The following AK4 variants were observed in gnomAD, a reference collection of about 807,000 sequenced individuals.
The protein encoded by AK4 is adenylate kinase 4, also known as adenylate kinase 4, mitochondrial.
A neutral mutation model predicts 24.6 loss-of-function variants in AK4; 13 were observed. That is an observed-to-expected ratio of 0.53 (90% CI 0.34 to 0.84). The LOEUF (loss-of-function observed/expected upper bound fraction) is 0.84. Ranked by LOEUF, AK4 falls within the 40% of genes least tolerant of loss-of-function variation. The pLI is 0.01. For missense variants in AK4, 192 were observed against 288.2 expected (o/e 0.67, Z 2.42); for synonymous variants, 88 against 107.0 (o/e 0.82, Z 1.10).
In AK4 at chr1:65,231,090, T is replaced by C. The variant is rs1324083521; in HGVS notation, c.*4913T>C. Reference sequence around the variant, plus strand: ...GACTTCTTTTAATGTGGAAATGTGGTCTGGTAGTAAGTTATTTCTTTCCAC... The same window carrying C: ...GACTTCTTTTAATGTGGAAATGTGGCCTGGTAGTAAGTTATTTCTTTCCAC... On this transcript the variant is annotated 3_prime_UTR_variant, in exon 5 of 5. Transcript: ENST00000327299. 1 of 152,166 alleles carries C rather than the reference T, an allele frequency of 6.6e-6. No individual in the cohort carries two copies. Among genetic ancestry groups the C allele is most frequent in the African/African-American group, 2.4e-5 (1 of 41,430 alleles). 9.4% of individuals were successfully genotyped at this position (152,166 alleles called of 1,614,324 possible).
At position 65,231,336 on chromosome 1, in the gene AK4, T is replaced by TGTGTGTGTGTG. The variant is rs1216788974; in HGVS notation, c.*5171_*5181dup. 1.3e-5 allele frequency: 2 copies of TGTGTGTGTGTG among 152,560 alleles called. No individual in the cohort carries two copies. The highest frequency in any genetic ancestry group is 4.8e-5 in the African/African-American group (2 of 41,424). The allele number at this position is 152,560 out of a possible 1,614,324, so 9.5% of individuals were successfully genotyped here. On this transcript the variant is annotated 3_prime_UTR_variant, in exon 5 of 5. Coordinates refer to ENST00000327299, the MANE Select transcript of AK4 (RefSeq NM_013410.4). Reference sequence around the variant, plus strand: ...GGGAGTTCCCCAATTTGATCATTTTTGTGTGTGTGTGGTGTGTGTGTGAGA... The same window carrying TGTGTGTGTGTG: ...GGGAGTTCCCCAATTTGATCATTTTTGTGTGTGTGTGGTGTGTGTGTGGTGTGTGTGTGAGA...
intron 1 of AK4, among the ~76,000 whole-genome samples, chr1:65,152,330 CTCTCT>C (rs1557434253): frequency 1.4e-3 from 54 of 37,280 alleles, no homozygotes; most frequent in East Asian, 5.1e-3. Context: ...CTCTCTCTCT[CTCTCT>C]CTCTCTCTCT....
At chr1:65,223,257 C>T (rs1207658844) in intron 3 of AK4, among the ~76,000 whole-genome samples, 1 of 151,854 alleles carries the variant, frequency 6.6e-6, no homozygotes, top group African/African-American at 2.4e-5. Context: ...TGCAGTGACA[C>T]GATTTCACTG....
At chr1:65,183,814 A>G (rs1044966711) in intron 1 of AK4, among the ~76,000 whole-genome samples, 2 of 152,048 alleles carry the variant, frequency 1.3e-5, no homozygotes, top group Admixed American at 1.3e-4. Context: ...TGAGTCCAAC[A>G]TCCTACTCCT....
intron 1 of AK4, among the ~76,000 whole-genome samples, chr1:65,181,377 G>T (rs1395090838): frequency 6.6e-6 from 1 of 151,186 alleles, no homozygotes; most frequent in African/African-American, 2.4e-5. Context: ...AAACCAGCAG[G>T]CTCCTAAGCT....
At position 65,224,882 on chromosome 1, in the gene AK4, T is replaced by C. The variant is rs765745506; in HGVS notation, c.557+12T>C. On this transcript the variant is annotated intron_variant, in intron 4 of 4. Transcript: ENST00000327299. ...ATTGAATTATACAAGTGAGTGTGCT[T>C]CAATATTTTCATGACAAAGGACAGA... 2 of 1,595,178 alleles carry C rather than the reference T, an allele frequency of 1.3e-6. No homozygotes were observed. The highest frequency in any genetic ancestry group is 3.3e-5 in the Admixed American group (2 of 59,968).
At chr1:65,209,633 C>T (rs1355799506) in intron 2 of AK4, among the ~76,000 whole-genome samples, 1 of 152,066 alleles carries the variant, frequency 6.6e-6, no homozygotes, top group Non-Finnish European at 1.5e-5. Flanking sequence ...GTGAGAAGTA[C>T]ACCTGAATTG....
Position 65,175,323 on chromosome 1 carries a change from G to A in AK4, c.146-15387G>A, listed in dbSNP as rs374903264. Reference sequence around the variant, plus strand: ...AGCACACATTTTTGGAGCCCTTGCTGTAGTTCTCCAACAGGGCATTGCCAG... The same window carrying A: ...AGCACACATTTTTGGAGCCCTTGCTATAGTTCTCCAACAGGGCATTGCCAG... On this transcript the variant is annotated intron_variant, in intron 1 of 4. Coordinates refer to ENST00000327299, the MANE Select transcript of AK4 (RefSeq NM_013410.4). Among the ~76,000 whole-genome samples the A allele has an allele frequency of 7.4e-4, 113 of 152,316 alleles. 1 individual carries two copies. Among genetic ancestry groups the A allele is most frequent in the African/African-American group, 2.4e-3 (101 of 41,580 alleles).
At chr1:65,186,052 A>G (rs1329071837) in intron 1 of AK4, among the ~76,000 whole-genome samples, 1 of 152,114 alleles carries the variant, frequency 6.6e-6, no homozygotes, top group Non-Finnish European at 1.5e-5. Flanking sequence ...GATCATATTG[A>G]TTTTTGCAAG....
At chr1:65,203,336 A>G (rs1651720610) in intron 2 of AK4, among the ~76,000 whole-genome samples, 1 of 152,170 alleles carries the variant, frequency 6.6e-6, no homozygotes, top group African/African-American at 2.4e-5. Context: ...TGATATTATT[A>G]TTTATTATAA....
At chr1:65,217,737 A>T (rs1405434789) in intron 2 of AK4, among the ~76,000 whole-genome samples, 3 of 152,232 alleles carry the variant, frequency 2.0e-5, no homozygotes, top group African/African-American at 7.2e-5. Context: ...AGAGATGCCC[A>T]TGAGCCCAAA....
rs878903834 is a variant in AK4, at chr1:65,226,816, C to CT, written c.*650dup. ...ATGAAAGAATTTGGCTTTTTTTTTT[C>CT]TTTTTTTTTTTGGACATCTGTTTTC... On this transcript the variant is annotated 3_prime_UTR_variant, in exon 5 of 5. Coordinates refer to ENST00000327299, the MANE Select transcript of AK4 (RefSeq NM_013410.4). The CT allele has an allele frequency of 7.1e-3, 941 of 132,996 alleles. 8 individuals are homozygous for CT. Among genetic ancestry groups the CT allele is most frequent in the Non-Finnish European group, 6.0e-3 (382 of 63,600 alleles). The allele number at this position is 132,996 out of a possible 1,614,324, so 8.2% of individuals were successfully genotyped here.
intron 1 of AK4, among the ~76,000 whole-genome samples, chr1:65,174,614 C>T (rs945848584): frequency 6.6e-6 from 1 of 152,080 alleles, no homozygotes; most frequent in Non-Finnish European, 1.5e-5. Flanking sequence ...TCTCAGTTCA[C>T]AAGGGGAAAG....
chr1:65,203,552 C>T lies in AK4; in HGVS notation c.265+12723C>T, dbSNP rs142137403. On this transcript the variant is annotated intron_variant, in intron 2 of 4. Coordinates refer to ENST00000327299, the MANE Select transcript of AK4 (RefSeq NM_013410.4). ...GGCGCGATGGCTCACATCTGTAATCCCAGCACTTTTGGAGGACGAGGTGGG... is the reference window on the plus strand; with the variant it reads ...GGCGCGATGGCTCACATCTGTAATCTCAGCACTTTTGGAGGACGAGGTGGG... 6.7e-3 allele frequency among the ~76,000 whole-genome samples: 1,022 copies of T among 152,134 alleles called. 12 individuals carry two copies. Among genetic ancestry groups the T allele is most frequent in the African/African-American group, 0.023 (972 of 41,474 alleles).
intron 2 of AK4, among the ~76,000 whole-genome samples, chr1:65,206,761 A>G (rs2101065418): frequency 6.6e-6 from 1 of 152,350 alleles, no homozygotes; most frequent in East Asian, 1.9e-4. Flanking sequence ...CCTGGGTGAC[A>G]GCGAGACCCT....
At chr1:65,210,587 T>A (rs975468326) in intron 2 of AK4, among the ~76,000 whole-genome samples, 19 of 152,188 alleles carry the variant, frequency 1.2e-4, no homozygotes, top group African/African-American at 4.6e-4. Context: ...CCGAGGACTT[T>A]CTCCTATGTG....
chr1:65,213,987 T>G (rs1652048192), intron 2 of AK4, among the ~76,000 whole-genome samples: 1 of 152,206 alleles, frequency 6.6e-6, no homozygotes, highest in Non-Finnish European at 1.5e-5. Context: ...ATTAGAGGCC[T>G]CTGAAGGAGC....
intron 2 of AK4, among the ~76,000 whole-genome samples, chr1:65,195,191 C>T (rs535239886): frequency 1.8e-4 from 27 of 152,226 alleles, no homozygotes; most frequent in Middle Eastern, 6.8e-3. Context: ...GTTAAACTTA[C>T]GCTTTTATCA....
chr1:65,197,112 G>T (rs1392773787), intron 2 of AK4, among the ~76,000 whole-genome samples: 1 of 152,146 alleles, frequency 6.6e-6, no homozygotes, highest in Non-Finnish European at 1.5e-5. Flanking sequence ...TGGGAATTGT[G>T]GGAGCTACAG....
Sources: gnomAD v4.1 joint callset for allele counts (sites outside exome capture counted in the v4.1 genomes callset) on GRCh38, gnomAD v4.1.1 for gene constraint, MANE v1.5 for transcripts, NCBI Gene and HGNC (gene_info 2026-07-23, HGNC 2026-07-21) for gene names.